MSI2: variants seen among roughly 807,000 people sequenced by gnomAD.
The protein encoded by MSI2 is RNA-binding protein Musashi homolog 2.
In MSI2, 17 loss-of-function variants were observed where a neutral mutation model predicts 45.6. The observed-to-expected ratio is 0.37, with a 90% CI of 0.26 to 0.56. MSI2 has a LOEUF of 0.56. Among genes scored for constraint, MSI2 ranks in the 20% least tolerant of loss-of-function variants. The pLI is 0.77. For synonymous variants in MSI2, 156 were observed against 158.2 expected (o/e 0.99, Z 0.11); for missense variants, 293 against 444.2 (o/e 0.66, Z 3.06).
At chr17:57,653,954 G>C (rs1442589376) in intron 11 of MSI2, among the ~76,000 whole-genome samples, 3 of 148,422 alleles carry the variant, frequency 2.0e-5, no homozygotes, top group African/African-American at 7.5e-5. Context: ...TTTTTTTTCG[G>C]GATCAATGGT....
At chr17:57,610,459 A>AGACAGAG (rs1235117434) in intron 8 of MSI2, among the ~76,000 whole-genome samples, 1,608 of 96,070 alleles carry the variant, frequency 0.017, 216 homozygotes, top group Non-Finnish European at 0.027. Flanking sequence ...CTAAAAAAAA[A>AGACAGAG]AAAAATTCTA....
At chr17:57,553,810 G>A (rs753363105) in intron 7 of MSI2, among the ~76,000 whole-genome samples, 1 of 152,290 alleles carries the variant, frequency 6.6e-6, no homozygotes, top group East Asian at 1.9e-4. Context: ...GGAAAGAGCC[G>A]GCAGCCCTTC....
chr17:57,607,412 A>C (rs1469297976), intron 8 of MSI2, among the ~76,000 whole-genome samples: 1 of 152,248 alleles, frequency 6.6e-6, no homozygotes, highest in African/African-American at 2.4e-5. Context: ...CTGTTTGCAC[A>C]GTAACCCCTT....
rs57142800 is a variant in MSI2, at chr17:57,502,602, G to GATATATATATATATAT, written c.406-27054_406-27039dup. ...CAGGGAATGGAGAAGATGACTCTGAGATATATATATATATATATATATATA... is the reference window on the plus strand; with the variant it reads ...CAGGGAATGGAGAAGATGACTCTGAGATATATATATATATATATATATATATATATATATATATATA... On this transcript the variant is annotated intron_variant, in intron 6 of 13. Transcript: ENST00000284073. Among the ~76,000 whole-genome samples the GATATATATATATATAT allele has an allele frequency of 5.9e-3, 323 of 54,348 alleles. 12 individuals carry two copies. Among genetic ancestry groups the GATATATATATATATAT allele is most frequent in the African/African-American group, 8.4e-3 (146 of 17,348 alleles). The allele number at this position is 54,348 out of a possible 152,430, so 35.7% of individuals were successfully genotyped here.
chr17:57,394,927 T>G (rs2083862269), intron 5 of MSI2, among the ~76,000 whole-genome samples: 1 of 152,264 alleles, frequency 6.6e-6, no homozygotes, highest in South Asian at 2.1e-4. Context: ...TACCACACAC[T>G]GAGTGGTTTA....
At chr17:57,604,595 CA>C (rs759267696) in intron 8 of MSI2, among the ~76,000 whole-genome samples, 3 of 152,174 alleles carry the variant, frequency 2.0e-5, no homozygotes, top group Non-Finnish European at 2.9e-5. Context: ...TCACCTGACT[CA>C]TTCTTTAAGA....
At position 57,262,307 on chromosome 17, in the gene MSI2, G is replaced by A. The variant is rs375088641; in HGVS notation, c.312+115G>A. 202 of 1,148,916 alleles carry A rather than the reference G, an allele frequency of 1.8e-4. 2 individuals carry two copies. The African/African-American group carries it at 2.8e-3, about 16-fold the overall frequency. 71.2% of individuals were successfully genotyped at this position (1,148,916 alleles called of 1,614,324 possible). A position where few individuals can be genotyped will look rare whatever the true frequency, so the allele number is the denominator to read the frequency against. Reference sequence around the variant, plus strand: ...GAAGCCTGGTATTCACTGTTCCTTCGGGGTATCAGGACAGGCTGGGCAAGT... The same window carrying A: ...GAAGCCTGGTATTCACTGTTCCTTCAGGGTATCAGGACAGGCTGGGCAAGT... On this transcript the variant is annotated intron_variant, in intron 5 of 13. Transcript: ENST00000284073.
chr17:57,304,288 T>G (rs1598095615), intron 5 of MSI2, among the ~76,000 whole-genome samples: 1 of 124,534 alleles, frequency 8.0e-6, no homozygotes, highest in Admixed American at 9.0e-5. Flanking sequence ...ACCCAGGAGG[T>G]GGAGGTTGCG....
chr17:57,285,897 A>G (rs1909829338), intron 5 of MSI2: 1 of 1,532,146 alleles, frequency 6.5e-7, no homozygotes, highest in Non-Finnish European at 8.7e-7. Context: ...ATGAGGGGTT[A>G]TATTAAGAAA....
rs140272612 is a variant in MSI2 at position 57,418,332 on chromosome 17, A to G, written c.405+16861A>G. On this transcript the variant is annotated intron_variant, in intron 6 of 13. Transcript: ENST00000284073. Reference sequence around the variant, plus strand: ...AGTAATAAACTTTAGGGGCATGGCTATGCTCATTTGAAATAGTCATCCTTT... The same window carrying G: ...AGTAATAAACTTTAGGGGCATGGCTGTGCTCATTTGAAATAGTCATCCTTT... Among the ~76,000 whole-genome samples, 13 of 152,372 alleles carry G rather than the reference A, an allele frequency of 8.5e-5. No individual in the cohort carries two copies. In the East Asian group the frequency reaches 1.7e-3, roughly 20 times the overall value.
At chr17:57,520,692 C>T (rs760505394) in intron 6 of MSI2, among the ~76,000 whole-genome samples, 9 of 152,116 alleles carry the variant, frequency 5.9e-5, no homozygotes, top group African/African-American at 9.7e-5. Flanking sequence ...CTTGCTCTGT[C>T]GCCCAGGCTG....
intron 6 of MSI2, among the ~76,000 whole-genome samples, chr17:57,414,465 C>T (rs1240751498): frequency 1.3e-5 from 2 of 152,010 alleles, no homozygotes; most frequent in African/African-American, 2.4e-5. Context: ...TCTTGGCTCA[C>T]TGCAGCCTCT....
intron 6 of MSI2, among the ~76,000 whole-genome samples, chr17:57,417,078 C>T (rs1310798799): frequency 6.6e-6 from 1 of 152,174 alleles, no homozygotes; most frequent in Non-Finnish European, 1.5e-5. Flanking sequence ...GTGGTTGCTG[C>T]TGTGGAGCTC....
chr17:57,397,074 C>G (rs539851505), intron 5 of MSI2, among the ~76,000 whole-genome samples: 1 of 152,286 alleles, frequency 6.6e-6, no homozygotes, highest in South Asian at 2.1e-4. Flanking sequence ...CTCTCCATCT[C>G]AGTTCACTGT....
intron 10 of MSI2, among the ~76,000 whole-genome samples, chr17:57,650,758 CA>C (rs2144682146): frequency 6.6e-6 from 1 of 152,334 alleles, no homozygotes; most frequent in East Asian, 1.9e-4. Flanking sequence ...TCTTTCCCTT[CA>C]GTAGTACCGT....
At chr17:57,686,041 C>T (rs1228316200), downstream of MSI2, among the ~76,000 whole-genome samples, 1 of 152,218 alleles carries the variant, frequency 6.6e-6, no homozygotes, top group Admixed American at 6.5e-5. Context: ...TGACTATCTA[C>T]ATTGTAATGG....
intron 7 of MSI2, among the ~76,000 whole-genome samples, chr17:57,587,294 G>A (rs1266461538): frequency 2.0e-5 from 3 of 152,206 alleles, no homozygotes; most frequent in Non-Finnish European, 4.4e-5. Flanking sequence ...CTGGTTCATG[G>A]TTGGCGCCTG....
At chr17:57,313,833 C>A (rs1598106917) in intron 5 of MSI2, among the ~76,000 whole-genome samples, 2 of 152,306 alleles carry the variant, frequency 1.3e-5, no homozygotes, top group Non-Finnish European at 1.5e-5. Context: ...GGTCAGGGAA[C>A]CTGGAGGCTC....
chr17:57,634,493 T>A (rs1909686813), intron 10 of MSI2, among the ~76,000 whole-genome samples: 1 of 151,602 alleles, frequency 6.6e-6, no homozygotes, highest in Non-Finnish European at 1.5e-5. Context: ...AGAGAAGCTC[T>A]CTATGCTGTA....
Sources: gnomAD v4.1 joint callset for allele counts (sites outside exome capture counted in the v4.1 genomes callset) on GRCh38, gnomAD v4.1.1 for gene constraint, MANE v1.5 for transcripts, NCBI Gene and HGNC (gene_info 2026-07-23, HGNC 2026-07-21) for gene names.